LRP1B: variants seen among roughly 807,000 people sequenced by gnomAD.
LRP1B encodes low-density lipoprotein receptor-related protein 1B.
Under a neutral mutation model 556.6 loss-of-function variants are expected in LRP1B, and 217 were observed. The ratio of observed to expected loss-of-function variants is 0.39; its 90% CI spans 0.35 to 0.44. The LOEUF is 0.44. Ranked by LOEUF, LRP1B falls within the 20% of genes least tolerant of loss-of-function variation. LRP1B has a pLI of 1.00. For missense variants in LRP1B, 5,053 were observed against 5,620.8 expected, an observed-to-expected ratio of 0.90 and a Z score of 3.23; for synonymous variants, 2,047 against 1,865.8, an observed-to-expected ratio of 1.10 and a Z score of -2.50.
intron 41 of LRP1B, among the ~76,000 whole-genome samples, chr2:140,646,403 C>A (rs1474394045): frequency 6.6e-6 from 1 of 152,148 alleles, no homozygotes; most frequent in African/African-American, 2.4e-5. Flanking sequence ...ATTTCCCATC[C>A]TCCTAATTTC....
chr2:141,462,345 T>C (rs1681909226), intron 3 of LRP1B, among the ~76,000 whole-genome samples: 1 of 152,188 alleles, frequency 6.6e-6, no homozygotes, highest in Admixed American at 6.6e-5. Flanking sequence ...CAATTATAGC[T>C]TCATATCTAA....
chr2:140,276,003 T>C (rs1682656939), intron 84 of LRP1B, among the ~76,000 whole-genome samples: 1 of 151,938 alleles, frequency 6.6e-6, no homozygotes, highest in African/African-American at 2.4e-5. Flanking sequence ...CACTTAAATA[T>C]TGAAATTAAT....
At chr2:141,447,367 T>C (rs1000077476) in intron 3 of LRP1B, among the ~76,000 whole-genome samples, 3 of 152,032 alleles carry the variant, frequency 2.0e-5, no homozygotes, top group African/African-American at 7.2e-5. Flanking sequence ...CATGCTCCTT[T>C]AGCTTGGAGG....
intron 1 of LRP1B, among the ~76,000 whole-genome samples, chr2:141,882,472 T>C (rs1698987510): frequency 6.6e-6 from 1 of 152,136 alleles, no homozygotes; most frequent in South Asian, 2.1e-4. Flanking sequence ...CCTGGGTTTG[T>C]TGTATCAGAG....
intron 29 of LRP1B, among the ~76,000 whole-genome samples, chr2:140,849,375 AAAAAAAC>A (rs70988448): frequency 2.1e-3 from 272 of 127,792 alleles, no homozygotes; most frequent in African/African-American, 8.1e-3. Flanking sequence ...CTGTCTCAAA[AAAAAAAC>A]AAAAAACAAA....
chr2:140,698,500 T>C (rs1441532699), intron 41 of LRP1B, among the ~76,000 whole-genome samples: 15 of 152,076 alleles, frequency 9.9e-5, no homozygotes, highest in Non-Finnish European at 2.2e-4. Context: ...AATCATTGTT[T>C]TACAATGTTA....
chr2:140,246,555 A>G (rs568899044), intron 87 of LRP1B, among the ~76,000 whole-genome samples: 4 of 141,044 alleles, frequency 2.8e-5, no homozygotes, highest in African/African-American at 1.0e-4. Context: ...ATGTTGATCT[A>G]TATTTTAATA....
At chr2:140,663,817 C>T (rs774370050) in intron 41 of LRP1B, among the ~76,000 whole-genome samples, 161 of 152,162 alleles carry the variant, frequency 1.1e-3, no homozygotes, top group Non-Finnish European at 1.9e-3. Flanking sequence ...GCTTTTATTG[C>T]GTTTCAACAT....
intron 2 of LRP1B, among the ~76,000 whole-genome samples, chr2:141,583,169 G>T (rs1687012993): frequency 6.6e-6 from 1 of 152,014 alleles, no homozygotes; most frequent in African/African-American, 2.4e-5. Context: ...CAAGTCAAGT[G>T]AACTTCTAAT....
chr2:141,122,662 C>A (rs1701090340), intron 7 of LRP1B, among the ~76,000 whole-genome samples: 1 of 152,256 alleles, frequency 6.6e-6, no homozygotes, highest in Non-Finnish European at 1.5e-5. Flanking sequence ...GGACTGTAAA[C>A]TAGTTCAACC....
intron 18 of LRP1B, among the ~76,000 whole-genome samples, chr2:140,959,644 T>G (rs1573923265): frequency 6.6e-6 from 1 of 151,774 alleles, no homozygotes; most frequent in Non-Finnish European, 1.5e-5. Context: ...ATCTATAATT[T>G]ATATTAAAAC....
chr2:140,326,856 T>TA (rs910990919), intron 79 of LRP1B, among the ~76,000 whole-genome samples: 2 of 152,088 alleles, frequency 1.3e-5, no homozygotes, highest in Non-Finnish European at 2.9e-5. Context: ...ACAGTAAAAA[T>TA]AATATTTTTC....
intron 32 of LRP1B, among the ~76,000 whole-genome samples, chr2:140,811,503 T>C (rs1474214061): frequency 6.6e-6 from 1 of 152,192 alleles, no homozygotes; most frequent in Admixed American, 6.5e-5. Context: ...TGAAATATTA[T>C]TCAAGATTTT....
chr2:140,623,522 T>C (rs1195118250), intron 41 of LRP1B, among the ~76,000 whole-genome samples: 1 of 151,956 alleles, frequency 6.6e-6, no homozygotes, highest in Non-Finnish European at 1.5e-5. Flanking sequence ...AATACAAACA[T>C]CAACAGAGGT....
chr2:141,307,966 G>A (rs887845928), intron 3 of LRP1B, among the ~76,000 whole-genome samples: 3 of 152,104 alleles, frequency 2.0e-5, no homozygotes, highest in Non-Finnish European at 4.4e-5. Flanking sequence ...TGGCTGTGAT[G>A]GGCTGGGTAA....
At chr2:140,314,124 G>C (rs1025210909) in intron 83 of LRP1B, among the ~76,000 whole-genome samples, 1 of 151,842 alleles carries the variant, frequency 6.6e-6, no homozygotes, top group South Asian at 2.1e-4. Context: ...AACCATGTAG[G>C]GGAATGTGAA....
At chr2:141,687,396 T>C (rs1370358689) in intron 2 of LRP1B, among the ~76,000 whole-genome samples, 1 of 152,026 alleles carries the variant, frequency 6.6e-6, no homozygotes, top group African/African-American at 2.4e-5. Flanking sequence ...TAAAGATGAA[T>C]GAATGGTTCC....
chr2:140,579,748 A>T (rs1681683993), intron 43 of LRP1B, among the ~76,000 whole-genome samples: 1 of 152,178 alleles, frequency 6.6e-6, no homozygotes, highest in Non-Finnish European at 1.5e-5. Context: ...AGGCTGAGGC[A>T]GGAGAATCGC....
chr2:140,620,490 T>C (rs1683411471), intron 41 of LRP1B, among the ~76,000 whole-genome samples: 2 of 152,204 alleles, frequency 1.3e-5, no homozygotes, highest in Non-Finnish European at 2.9e-5. Context: ...AAAGTAATGT[T>C]TTTGGAAAGT....
Sources: allele counts gnomAD v4.1 joint callset (sites outside exome capture counted in the v4.1 genomes callset), GRCh38; gene constraint gnomAD v4.1.1; transcripts MANE v1.5; gene names NCBI Gene and HGNC (gene_info 2026-07-23, HGNC 2026-07-21).